The following ZNF521 variants were observed in gnomAD, a reference collection of about 807,000 sequenced individuals.
ZNF521 encodes the protein zinc finger protein 521.
ZNF521 carries 14 observed loss-of-function variants against 105.5 expected under a neutral mutation model. That is an observed-to-expected ratio of 0.13 (90% CI 0.09 to 0.21). ZNF521 has a LOEUF of 0.21. ZNF521 is among the 10% of genes least tolerant of loss of function. The probability of loss-of-function intolerance (pLI) is 1.00; values close to 1 mark genes in which losing one functional copy is unlikely to be tolerated. For synonymous variants in ZNF521, 635 were observed against 606.0 expected, an observed-to-expected ratio of 1.05 and a Z score of -0.70; for missense variants, 1,233 against 1,629.7, an observed-to-expected ratio of 0.76 and a Z score of 4.19.
chr18:25,063,173 G>A (rs1400449920), intron 7 of ZNF521, among the ~76,000 whole-genome samples: 1 of 152,226 alleles, frequency 6.6e-6, no homozygotes, highest in East Asian at 1.9e-4. Flanking sequence ...TGTTTTAACA[G>A]TTTTATGGAT....
chr18:25,351,818 G>A (rs1568095513), intron 1 of ZNF521, 187 bp downstream of exon 1: 1 of 168,450 alleles, frequency 5.9e-6, no homozygotes, highest in Non-Finnish European at 1.2e-5. Context: ...CTCTGGGCGG[G>A]GGCGCGGCGC....
intron 5 of ZNF521, among the ~76,000 whole-genome samples, chr18:25,177,703 G>A (rs200810138): frequency 5.4e-4 from 82 of 152,170 alleles, no homozygotes; most frequent in African/African-American, 1.7e-3. Context: ...CAAAAATATC[G>A]TCTGTAATAA....
At chr18:25,335,357 A>T (rs1913812550) in intron 2 of ZNF521, among the ~76,000 whole-genome samples, 1 of 152,172 alleles carries the variant, frequency 6.6e-6, no homozygotes, top group Admixed American at 6.5e-5. Flanking sequence ...CAAGTGGGTC[A>T]TCTCTAGGGT....
rs573159484 is a variant in ZNF521 at position 25,288,016 on chromosome 18, A to G, written c.220+33992T>C. On this transcript the variant is annotated intron_variant, in intron 3 of 7. Coordinates refer to ENST00000361524, the MANE Select transcript of ZNF521 (RefSeq NM_015461.3). Reference sequence around the variant, plus strand: ...TTCTTATGATTTTTTTTCCTCTCAGAAAAGATATAATACTGAAAATGCCCC... The same window carrying G: ...TTCTTATGATTTTTTTTCCTCTCAGGAAAGATATAATACTGAAAATGCCCC... 6.6e-5 allele frequency among the ~76,000 whole-genome samples: 10 copies of G among 152,278 alleles called. No individual in the cohort carries two copies. In the South Asian group the frequency reaches 1.7e-3, roughly 25 times the overall value.
chr18:25,240,914 A>ATATG (rs1907280229), intron 3 of ZNF521, among the ~76,000 whole-genome samples: 1 of 149,908 alleles, frequency 6.7e-6, no homozygotes, highest in East Asian at 2.0e-4. Context: ...AGTTTTCTGC[A>ATATG]CTACTTTGTG....
At chr18:25,258,620 T>A (rs1228880728) in intron 3 of ZNF521, among the ~76,000 whole-genome samples, 1 of 152,148 alleles carries the variant, frequency 6.6e-6, no homozygotes, top group African/African-American at 2.4e-5. Flanking sequence ...AAATAGACCA[T>A]AAGGACAGAA....
At chr18:25,330,412 C>G (rs1913502000) in intron 2 of ZNF521, among the ~76,000 whole-genome samples, 1 of 152,136 alleles carries the variant, frequency 6.6e-6, no homozygotes, top group South Asian at 2.1e-4. Flanking sequence ...GATCCACCCG[C>G]CTCAGCTGCC....
chr18:25,163,563 G>A (rs2035285912), intron 5 of ZNF521, among the ~76,000 whole-genome samples: 1 of 152,172 alleles, frequency 6.6e-6, no homozygotes, highest in African/African-American at 2.4e-5. Flanking sequence ...ATTTTATTGA[G>A]TTTCATGGGG....
intron 3 of ZNF521, among the ~76,000 whole-genome samples, chr18:25,277,260 C>A (rs1910095894): frequency 6.6e-6 from 1 of 151,798 alleles, no homozygotes; most frequent in African/African-American, 2.4e-5. Context: ...TTATTAAGAG[C>A]AAAAGCTTAT....
chr18:25,212,538 A>AAAAATATATATATATATAT (rs1555647923), intron 4 of ZNF521, among the ~76,000 whole-genome samples: 1 of 48,132 alleles, frequency 2.1e-5, no homozygotes, highest in African/African-American at 1.3e-4. Context: ...AAAAAAAAAA[A>AAAAATATATATATATATAT]ATATATATAT....
chr18:25,152,795 T>C (rs1390869743), intron 5 of ZNF521, among the ~76,000 whole-genome samples: 1 of 152,198 alleles, frequency 6.6e-6, no homozygotes, highest in Non-Finnish European at 1.5e-5. Flanking sequence ...AATCTCTTTT[T>C]TTCTGCTCTT....
rs1382982726 is a variant in ZNF521 at position 25,237,916 on chromosome 18, T to C, written c.221-10219A>G. Among the ~76,000 whole-genome samples the C allele has an allele frequency of 2.0e-5, 3 of 152,180 alleles. No individual in the cohort carries two copies. The East Asian group carries it at 5.8e-4, about 29-fold the overall frequency. On this transcript the variant is annotated intron_variant, in intron 3 of 7. Transcript: ENST00000361524. ...CAAGGCTGTCATTCCTAACTTTTCA[T>C]GTATATATATGAAACATAAGATTTA...
intron 3 of ZNF521, among the ~76,000 whole-genome samples, chr18:25,309,751 A>G (rs566878605): frequency 2.0e-5 from 3 of 152,330 alleles, no homozygotes; most frequent in African/African-American, 7.2e-5. Context: ...TGTCAACCTG[A>G]TAATTTAATT....
At chr18:25,286,809 C>T (rs538146546) in intron 3 of ZNF521, among the ~76,000 whole-genome samples, 3 of 152,126 alleles carry the variant, frequency 2.0e-5, no homozygotes, top group Admixed American at 6.5e-5. Context: ...GGCCAAGGCA[C>T]CTCAGCGGTT....
chr18:25,091,135 C>A (rs2033735980), intron 6 of ZNF521, among the ~76,000 whole-genome samples: 1 of 152,130 alleles, frequency 6.6e-6, no homozygotes, highest in Non-Finnish European at 1.5e-5. Context: ...AGAAGTCATC[C>A]TTGAGAGAAG....
At position 25,225,148 on chromosome 18, in the gene ZNF521, C is replaced by T; in HGVS notation, c.2770G>A (p.Glu924Lys). 6.2e-7 allele frequency: 1 copy of T among 1,614,092 alleles called. No individual in the cohort carries two copies. The highest frequency in any genetic ancestry group is 8.5e-7 in the Non-Finnish European group (1 of 1,180,014). ...GESAIVKKKA[E>K]LIKGNYKCNV... is the part of the protein sequence containing the mutation. ...CACTTGTAATTCCCTTTAATGAGCT[C>T]AGCTTTCTTTTTCACGATGGCACTT... Residue 924 changes from glutamate to lysine, a missense_variant, in exon 4 of 8, where the codon GAG (glutamate) becomes AAG (lysine). Glu to Lys is a moderately conservative substitution (Grantham distance 56, BLOSUM62 1). Coordinates refer to ENST00000361524, the MANE Select transcript of ZNF521 (RefSeq NM_015461.3). This position sits in a 1 kb window ranked among gnomAD's most constrained non-coding sequence, Gnocchi z 5.6.
At chr18:25,229,561 CA>C (rs1202187290) in intron 3 of ZNF521, among the ~76,000 whole-genome samples, 1 of 151,398 alleles carries the variant, frequency 6.6e-6, no homozygotes, top group African/African-American at 2.4e-5. Context: ...TAACTAAAAG[CA>C]AAAAAACTCA....
chr18:25,211,743 A>G (rs987656176), intron 4 of ZNF521, among the ~76,000 whole-genome samples: 1 of 152,134 alleles, frequency 6.6e-6, no homozygotes, highest in Non-Finnish European at 1.5e-5. Context: ...GTTGCTGAAC[A>G]TATTTTATTT....
chr18:25,099,304 T>C (rs181864815), intron 5 of ZNF521, among the ~76,000 whole-genome samples: 32 of 152,308 alleles, frequency 2.1e-4, no homozygotes, highest in Non-Finnish European at 4.0e-4. Flanking sequence ...TTTCAAAATT[T>C]TGCTCCGTTC....
Sources: gnomAD v4.1 joint callset for allele counts (sites outside exome capture counted in the v4.1 genomes callset) on GRCh38, gnomAD v4.1.1 for gene constraint, Gnocchi (gnomAD v3.1) non-coding constraint, MANE v1.5 for transcripts, NCBI Gene and HGNC (gene_info 2026-07-23, HGNC 2026-07-21) for gene names.